PLXNA4: variants seen among roughly 807,000 people sequenced by gnomAD.
PLXNA4 encodes plexin-A4.
In PLXNA4, 44 loss-of-function variants were observed where a neutral mutation model predicts 191.8. The ratio of observed to expected loss-of-function variants is 0.23; its 90% confidence interval spans 0.18 to 0.29. PLXNA4 has a LOEUF of 0.29. PLXNA4 is among the 10% of genes least tolerant of loss of function. The pLI, the probability that PLXNA4 is intolerant of heterozygous loss-of-function variation, is 1.00. For synonymous variants in PLXNA4, 1,082 were observed against 1,009.5 expected (o/e 1.07, Z -1.36); for missense variants, 1,800 against 2,488.8 (o/e 0.72, Z 5.89).
At position 132,489,511 on chromosome 7, in the gene PLXNA4, G is replaced by A. The variant is rs377391340; in HGVS notation, c.1189-37C>T. The stretch of plus-strand genomic sequence containing the variant: ...AAAAAGAGAAAAATTAGAAGGGAGC[G>A]TCAAGGAAATTGGCAGAGATATTAA... On this transcript the variant is annotated intron_variant, in intron 2 of 31. Coordinates refer to ENST00000321063, the MANE Select transcript of PLXNA4 (RefSeq NM_020911.2). The A allele has an allele frequency of 7.0e-5, 104 of 1,486,628 alleles. No homozygotes were observed. The East Asian group carries it at 1.1e-3, about 16-fold the overall frequency. 92.1% of individuals were successfully genotyped at this position (1,486,628 alleles called of 1,614,324 possible). A position where few individuals can be genotyped will look rare whatever the true frequency, so the allele number is the denominator to read the frequency against.
At chr7:132,591,361 G>A (rs1462834721) in intron 2 of PLXNA4, among the ~76,000 whole-genome samples, 2 of 152,160 alleles carry the variant, frequency 1.3e-5, no homozygotes, top group Admixed American at 1.3e-4. Flanking sequence ...CGACGGAAGT[G>A]ACAACACCTA....
At chr7:132,269,685 G>C (rs999599748) in intron 4 of PLXNA4, among the ~76,000 whole-genome samples, 10 of 150,582 alleles carry the variant, frequency 6.6e-5, no homozygotes, top group African/African-American at 2.5e-4. Context: ...TCTGCCAACT[G>C]TTGCCCTTCC....
Position 132,230,975 on chromosome 7 carries a change from C to T in PLXNA4, c.1605-2506G>A, listed in dbSNP as rs142918919. Among the ~76,000 whole-genome samples, 96 of 152,252 alleles carry T rather than the reference C, an allele frequency of 6.3e-4. 1 individual carries two copies. The highest frequency in any genetic ancestry group is 2.2e-3 in the African/African-American group (92 of 41,546). On this transcript the variant is annotated intron_variant, in intron 5 of 31. Coordinates refer to ENST00000321063, the MANE Select transcript of PLXNA4 (RefSeq NM_020911.2). ...AAGAGGTGGCACACAGGTGTTTGCT[C>T]GGGGGATCTCAGGACAAATTCTACC...
At chr7:132,225,572 A>G (rs938014326) in intron 8 of PLXNA4, among the ~76,000 whole-genome samples, 10 of 152,068 alleles carry the variant, frequency 6.6e-5, no homozygotes, top group African/African-American at 2.4e-4. Flanking sequence ...AGTCAAACAA[A>G]GCTCGAGTTG....
At chr7:132,573,686 A>G (rs1013320180) in intron 1 of PLXNA4, among the ~76,000 whole-genome samples, 4 of 152,212 alleles carry the variant, frequency 2.6e-5, no homozygotes, top group Non-Finnish European at 5.9e-5. Context: ...ACTGCCTTGG[A>G]GTCCTCCAGA....
intron 1 of PLXNA4, among the ~76,000 whole-genome samples, chr7:132,535,442 C>A (rs1799794157): frequency 6.6e-6 from 1 of 152,164 alleles, no homozygotes; most frequent in Non-Finnish European, 1.5e-5. Context: ...CAAGACCCAG[C>A]CCTTGGTAAC....
chr7:132,544,759 C>G (rs1184158551), intron 1 of PLXNA4, among the ~76,000 whole-genome samples: 1 of 152,156 alleles, frequency 6.6e-6, no homozygotes, highest in African/African-American at 2.4e-5. Flanking sequence ...ATATTTTTTC[C>G]TCCCTTCCAT....
intron 3 of PLXNA4, among the ~76,000 whole-genome samples, chr7:132,466,049 C>G (rs1182732486): frequency 6.6e-6 from 1 of 152,158 alleles, no homozygotes; most frequent in African/African-American, 2.4e-5. Context: ...AAGAGGCCAG[C>G]AAGCTGAAGC....
intron 2 of PLXNA4, among the ~76,000 whole-genome samples, chr7:132,610,205 A>G (rs888120838): frequency 6.6e-6 from 1 of 152,204 alleles, no homozygotes; most frequent in African/African-American, 2.4e-5. Context: ...CAAAACCCTT[A>G]CACAAGATGG....
chr7:132,187,545 G>A lies in PLXNA4; in HGVS notation c.2919C>T (p.Thr973=). The A allele has an allele frequency of 6.2e-7, 1 of 1,614,124 alleles. No homozygotes were observed. The highest frequency in any genetic ancestry group is 2.2e-5 in the East Asian group (1 of 44,874). The stretch of plus-strand genomic sequence containing the variant: ...CGGCATTCAGGTTGGTGCCTGTGAT[G>A]GTCACTTGGGTCCCTCCGGACATGG... ...RGPMSGGTQV[T]ITGTNLNAGS... The change falls in exon 15 of 32, where the codon ACC becomes ACT. Residue 973 remains threonine, a synonymous_variant. Transcript: ENST00000321063.
chr7:132,165,604 A>G (rs1796099067), intron 22 of PLXNA4, among the ~76,000 whole-genome samples: 1 of 152,164 alleles, frequency 6.6e-6, no homozygotes, highest in South Asian at 2.1e-4. Flanking sequence ...CTGACACTGA[A>G]CTTGTATTTA....
chr7:132,578,523 G>A (rs1459564464), upstream of PLXNA4, among the ~76,000 whole-genome samples: 1 of 152,190 alleles, frequency 6.6e-6, no homozygotes, highest in African/African-American at 2.4e-5. Context: ...CCCTATAGGG[G>A]TTATATTCTC....
At position 132,489,405 on chromosome 7, in the gene PLXNA4, G is replaced by A. The variant is rs887716128; in HGVS notation, c.1258C>T (p.Arg420Cys). ...TCCTCCGTGAAGACGGGAATTCCAC[G>A]CACCATGTCGGACACTCCCAGGGGA... ...NAPLGVSDMV[R>C]GIPVFTEDRD... Residue 420 changes from arginine (R) to cysteine (C), a missense_variant, in exon 3 of 32, where the codon CGT becomes TGT. By Grantham distance (180) the Arg-to-Cys change is radical (BLOSUM62 -3). Transcript: ENST00000321063. The A allele has an allele frequency of 8.1e-6, 13 of 1,605,496 alleles. No homozygotes were observed. The highest frequency in any genetic ancestry group is 1.7e-4 in the Middle Eastern group (1 of 6,034).
chr7:132,343,639 C>T (rs1397310238), intron 3 of PLXNA4, among the ~76,000 whole-genome samples: 4 of 152,226 alleles, frequency 2.6e-5, no homozygotes, highest in African/African-American at 4.8e-5. Flanking sequence ...CTCAATGTGG[C>T]TGGGCACAGT....
intron 4 of PLXNA4, among the ~76,000 whole-genome samples, chr7:132,296,998 G>T (rs189764037): frequency 1.3e-5 from 2 of 152,092 alleles, no homozygotes; most frequent in Non-Finnish European, 2.9e-5. Flanking sequence ...ATGTCATCGA[G>T]CTCTTGGGGA....
chr7:132,254,743 A>C (rs1393052876), intron 4 of PLXNA4, among the ~76,000 whole-genome samples: 1 of 152,078 alleles, frequency 6.6e-6, no homozygotes, highest in Non-Finnish European at 1.5e-5. Context: ...TTCCATTAGG[A>C]AGTTCGTTTT....
chr7:132,193,050 G>C (rs1198437157), intron 14 of PLXNA4, among the ~76,000 whole-genome samples: 1 of 152,244 alleles, frequency 6.6e-6, no homozygotes, highest in African/African-American at 2.4e-5. Flanking sequence ...ATAATGGTGA[G>C]TGGGTGCTAT....
chr7:132,434,080 G>A (rs981160672), intron 3 of PLXNA4, among the ~76,000 whole-genome samples: 6 of 152,192 alleles, frequency 3.9e-5, no homozygotes, highest in Non-Finnish European at 8.8e-5. Flanking sequence ...CCACCACTGC[G>A]CAGCCTTGCC....
intron 7 of PLXNA4, 52 bp downstream of exon 7, chr7:132,227,399 T>C: frequency 6.2e-7 from 1 of 1,610,390 alleles, no homozygotes. Context: ...GAGTTCTCCT[T>C]ATCTAGCCAG....
Sources: gnomAD v4.1 joint callset for allele counts (sites outside exome capture counted in the v4.1 genomes callset) on GRCh38, gnomAD v4.1.1 for gene constraint, MANE v1.5 for transcripts, NCBI Gene and HGNC (gene_info 2026-07-23, HGNC 2026-07-21) for gene names.